The following ARHGAP6 variants were observed in gnomAD, a reference collection of about 807,000 sequenced individuals.
The protein encoded by ARHGAP6 is rho GTPase-activating protein 6.
Under a neutral mutation model 55.7 loss-of-function variants are expected in ARHGAP6, and 16 were observed. That is an observed-to-expected ratio of 0.29 (90% CI 0.19 to 0.44). The LOEUF (loss-of-function observed/expected upper bound fraction) is 0.44, where lower values mean the gene tolerates loss of function less well. Among genes scored for constraint, ARHGAP6 ranks in the 20% least tolerant of loss-of-function variants. The pLI, the probability that ARHGAP6 is intolerant of heterozygous loss-of-function variation, is 1.00. For missense variants in ARHGAP6, 698 were observed against 808.9 expected (o/e 0.86, Z 1.66); for synonymous variants, 382 against 360.9 (o/e 1.06, Z -0.66).
chrX:11,239,610 C>T (rs897895792), intron 2 of ARHGAP6, among the ~76,000 whole-genome samples: 3 of 111,239 alleles, frequency 2.7e-5, no homozygotes, highest in African/African-American at 6.5e-5. Context: ...TCATAGGTGG[C>T]TTATTAGGTT....
intron 2 of ARHGAP6, among the ~76,000 whole-genome samples, chrX:11,214,980 C>T (rs781025945): frequency 1.8e-5 from 2 of 113,359 alleles, no homozygotes; most frequent in South Asian, 3.6e-4. Context: ...GCCCCAGTGT[C>T]GTTGTCTGGG....
At chrX:11,211,415 A>G (rs954330059) in intron 2 of ARHGAP6, among the ~76,000 whole-genome samples, 4 of 108,908 alleles carry the variant, frequency 3.7e-5, no homozygotes, top group Non-Finnish European at 7.6e-5. Flanking sequence ...TATTTTTAGT[A>G]GAGACGGGGT....
intron 1 of ARHGAP6, chrX:11,296,906 C>A (rs1317276101): frequency 8.1e-6 from 9 of 1,105,172 alleles, no homozygotes; most frequent in Non-Finnish European, 8.7e-6. Context: ...TGTGTTGATT[C>A]TTTATCCCAG....
chrX:11,409,108 T>C (rs1332863271), intron 1 of ARHGAP6, among the ~76,000 whole-genome samples: 1 of 111,928 alleles, frequency 8.9e-6, no homozygotes, highest in Non-Finnish European at 1.9e-5. Context: ...AGTCTGCTAC[T>C]TTCTTCACTC....
At chrX:11,401,722 G>C (rs1024668331) in intron 1 of ARHGAP6, among the ~76,000 whole-genome samples, 6 of 111,630 alleles carry the variant, frequency 5.4e-5, no homozygotes, top group African/African-American at 2.0e-4. Flanking sequence ...AGGATATTAG[G>C]ATACTTACGA....
chrX:11,515,475 G>A (rs1188812422), intron 1 of ARHGAP6, among the ~76,000 whole-genome samples: 3 of 109,954 alleles, frequency 2.7e-5, no homozygotes, highest in African/African-American at 6.7e-5. Context: ...TATACTTACT[G>A]GAGCACATAA....
chrX:11,223,068 G>T, intron 2 of ARHGAP6: 1 of 129,586 alleles, frequency 7.7e-6, no homozygotes, highest in Non-Finnish European at 1.6e-5. Flanking sequence ...TGATATTGCT[G>T]AACCATCATG....
At chrX:11,256,138 C>T (rs916599908) in intron 1 of ARHGAP6, among the ~76,000 whole-genome samples, 1 of 112,349 alleles carries the variant, frequency 8.9e-6, no homozygotes, top group African/African-American at 3.2e-5. Flanking sequence ...ACCTGTAATC[C>T]CAGCACTTTG....
chrX:11,143,509 A>G (rs2045647409), intron 11 of ARHGAP6: 1 of 785,804 alleles, frequency 1.3e-6, no homozygotes, highest in Admixed American at 7.4e-5. Flanking sequence ...CTCCCAGTAT[A>G]GTGCTCTCTT....
At chrX:11,201,674 A>G (rs1225573681) in intron 2 of ARHGAP6, among the ~76,000 whole-genome samples, 1 of 112,014 alleles carries the variant, frequency 8.9e-6, no homozygotes, top group East Asian at 2.8e-4. Flanking sequence ...GCAGAAGGGG[A>G]AGCAAACACT....
intron 2 of ARHGAP6, among the ~76,000 whole-genome samples, chrX:11,221,742 A>G (rs1437997855): frequency 9.0e-6 from 1 of 111,648 alleles, no homozygotes; most frequent in African/African-American, 3.3e-5. Flanking sequence ...TTGGGGTTAC[A>G]TGTGCAGGTT....
intron 1 of ARHGAP6, among the ~76,000 whole-genome samples, chrX:11,575,402 T>G (rs182778158): frequency 1.6e-3 from 181 of 111,986 alleles, no homozygotes; most frequent in Non-Finnish European, 2.7e-3. Context: ...ACTATTCTAC[T>G]TGAGATATTT....
At chrX:11,390,261 G>T (rs894384866) in intron 1 of ARHGAP6, among the ~76,000 whole-genome samples, 4 of 110,965 alleles carry the variant, frequency 3.6e-5, no homozygotes, top group African/African-American at 1.3e-4. Context: ...ATTTCTGAGG[G>T]CTCTGTTCTG....
chrX:11,217,536 A>G (rs2046900020), intron 2 of ARHGAP6, among the ~76,000 whole-genome samples: 1 of 111,939 alleles, frequency 8.9e-6, no homozygotes, highest in African/African-American at 3.3e-5. Context: ...TCTGTTCATA[A>G]CCTTCACTCA....
chrX:11,625,173 A>G (rs930170830), intron 1 of ARHGAP6, among the ~76,000 whole-genome samples: 9 of 111,697 alleles, frequency 8.1e-5, no homozygotes, highest in Non-Finnish European at 1.7e-4. Context: ...CATCCAAAAG[A>G]AAGAAAATGC....
intron 1 of ARHGAP6, chrX:11,351,705 A>G (rs1220122653): frequency 2.7e-6 from 1 of 374,230 alleles, no homozygotes; most frequent in African/African-American, 2.8e-5. Context: ...TGCTATTAAT[A>G]CTAGGCTGAC....
chrX:11,525,585 C>G (rs1242129710), intron 1 of ARHGAP6, among the ~76,000 whole-genome samples: 1 of 111,982 alleles, frequency 8.9e-6, no homozygotes, highest in African/African-American at 3.2e-5. Flanking sequence ...CCCATACTGC[C>G]TGGCATAAGA....
At chrX:11,321,178 T>C (rs2048428678) in intron 1 of ARHGAP6, among the ~76,000 whole-genome samples, 1 of 112,295 alleles carries the variant, frequency 8.9e-6, no homozygotes, top group Non-Finnish European at 1.9e-5. Context: ...TAATGTTAAA[T>C]ACATGTTCAA....
chrX:11,635,223 G>A (rs1479211306), intron 1 of ARHGAP6, among the ~76,000 whole-genome samples: 2 of 111,901 alleles, frequency 1.8e-5, no homozygotes, highest in Middle Eastern at 4.2e-3. Flanking sequence ...TTATACGGAG[G>A]GGATTACACA....
Sources: allele counts gnomAD v4.1 joint callset (sites outside exome capture counted in the v4.1 genomes callset), GRCh38; gene constraint gnomAD v4.1.1; transcripts MANE v1.5; gene names NCBI Gene and HGNC (gene_info 2026-07-23, HGNC 2026-07-21).